NEK10: variants seen among roughly 807,000 people sequenced by gnomAD.
NEK10 encodes NIMA related kinase 10, also known as serine/threonine-protein kinase Nek10.
NEK10 carries 122 observed loss-of-function variants against 159.8 expected under a neutral mutation model. The observed-to-expected ratio is 0.76, with a 90% confidence interval of 0.66 to 0.89. The LOEUF is 0.89. Among genes scored for constraint, NEK10 ranks in the 40% least tolerant of loss-of-function variants. NEK10 has a pLI of 0.00. For synonymous variants in NEK10, 466 were observed against 457.1 expected (o/e 1.02, Z -0.25); for missense variants, 1,342 against 1,323.1 (o/e 1.01, Z -0.22).
chr3:27,196,881 G>A (rs1225269664), intron 25 of NEK10, among the ~76,000 whole-genome samples: 1 of 152,128 alleles, frequency 6.6e-6, no homozygotes, highest in Non-Finnish European at 1.5e-5. Context: ...TCACAGAGAT[G>A]AGCAGTTTAA....
At chr3:27,193,668 C>T (rs1949319089) in intron 25 of NEK10, among the ~76,000 whole-genome samples, 1 of 135,406 alleles carries the variant, frequency 7.4e-6, no homozygotes, top group Admixed American at 8.4e-5. Context: ...TCTCAGCCAT[C>T]ATCTCTTATA....
At chr3:27,331,023 G>A (rs982876712) in intron 5 of NEK10, among the ~76,000 whole-genome samples, 1 of 151,928 alleles carries the variant, frequency 6.6e-6, no homozygotes, top group African/African-American at 2.4e-5. Context: ...ATCACCTGAG[G>A]TCAGGAGTTC....
At chr3:27,119,938 G>A (rs1575377940) in intron 32 of NEK10, 70 bp from the exon 33 acceptor site, 5 of 1,160,058 alleles carry the variant, frequency 4.3e-6, no homozygotes, top group Non-Finnish European at 5.2e-6. Context: ...CCTCTGTGTG[G>A]GGTTTTTCAT....
chr3:27,121,728 T>C (rs560906861), intron 32 of NEK10, among the ~76,000 whole-genome samples: 4 of 152,254 alleles, frequency 2.6e-5, no homozygotes, highest in East Asian at 1.9e-4. Flanking sequence ...AGCATGAAAA[T>C]AGACTAATAC....
chr3:27,303,024 G>A (rs560965036), intron 12 of NEK10, among the ~76,000 whole-genome samples: 2 of 152,272 alleles, frequency 1.3e-5, no homozygotes, highest in African/African-American at 2.4e-5. Flanking sequence ...GCCTGGAAAC[G>A]TCTACCCCTA....
intron 35 of NEK10, among the ~76,000 whole-genome samples, chr3:27,111,896 A>G (rs1939604148): frequency 6.6e-6 from 1 of 152,188 alleles, no homozygotes; most frequent in Non-Finnish European, 1.5e-5. Context: ...ATAAAACGTA[A>G]TTTATCATAC....
At chr3:27,266,338 A>T (rs2040890491) in intron 22 of NEK10, among the ~76,000 whole-genome samples, 1 of 152,180 alleles carries the variant, frequency 6.6e-6, no homozygotes, top group Non-Finnish European at 1.5e-5. Context: ...CTATGATCCA[A>T]GCTGAGCTAA....
At chr3:27,190,527 A>G (rs1409401946) in intron 26 of NEK10, among the ~76,000 whole-genome samples, 1 of 152,206 alleles carries the variant, frequency 6.6e-6, no homozygotes, top group Admixed American at 6.5e-5. Flanking sequence ...AAATAAATAG[A>G]TAAGTAATGG....
Position 27,210,369 on chromosome 3 carries a change from T to C in NEK10, c.2091-7812A>G, listed in dbSNP as rs1402467651. On this transcript the variant is annotated intron_variant, in intron 23 of 35. Coordinates refer to ENST00000691995, the MANE Select transcript of NEK10 (RefSeq NM_001394966.1). ...AATAACTCATGAATTCCTTAATCCA[T>C]GAATGGATCCTCATGATGCACTAGA... is the stretch of plus-strand genomic sequence containing the variant. 2.0e-5 allele frequency among the ~76,000 whole-genome samples: 3 copies of C among 152,250 alleles called. No homozygotes were observed. In the East Asian group the frequency reaches 5.8e-4, roughly 29 times the overall value.
chr3:27,186,645 T>C (rs1338923798), intron 26 of NEK10, among the ~76,000 whole-genome samples: 1 of 152,180 alleles, frequency 6.6e-6, no homozygotes, highest in Non-Finnish European at 1.5e-5. Context: ...ACTATATACA[T>C]AAGGCCCATG....
At position 27,355,525 on chromosome 3, in the gene NEK10, C is replaced by G. The variant is rs147081211; in HGVS notation, c.-37-2606G>C. Among the ~76,000 whole-genome samples, 1,246 of 151,996 alleles carry G rather than the reference C, an allele frequency of 8.2e-3. 11 individuals carry two copies. The highest frequency in any genetic ancestry group is 0.013 in the Non-Finnish European group (879 of 67,984). On this transcript the variant is annotated intron_variant, in intron 1 of 35. Coordinates refer to ENST00000691995, the MANE Select transcript of NEK10 (RefSeq NM_001394966.1). ...AAAAGTTCAGGGGACATTCTTGGCT[C>G]CTCTCTTTCCTCTACCTCCCATATT...
At chr3:27,368,095 C>G (rs1184425647) in intron 1 of NEK10, among the ~76,000 whole-genome samples, 1 of 152,022 alleles carries the variant, frequency 6.6e-6, no homozygotes, top group Non-Finnish European at 1.5e-5. Flanking sequence ...GAGTTCGAGA[C>G]CAGCCTGACC....
chr3:27,337,155 A>G (rs974783088), intron 5 of NEK10, among the ~76,000 whole-genome samples: 1 of 152,186 alleles, frequency 6.6e-6, no homozygotes, highest in African/African-American at 2.4e-5. Flanking sequence ...TACAAAAATC[A>G]GTAGAATTTT....
At chr3:27,242,407 A>G (rs546273184) in intron 23 of NEK10, among the ~76,000 whole-genome samples, 2 of 152,276 alleles carry the variant, frequency 1.3e-5, no homozygotes, top group East Asian at 1.9e-4. Context: ...TAACAACCCT[A>G]TGTTGTAGAA....
intron 32 of NEK10, among the ~76,000 whole-genome samples, chr3:27,128,052 G>A (rs1245338651): frequency 6.6e-6 from 1 of 152,098 alleles, no homozygotes; most frequent in Non-Finnish European, 1.5e-5. Flanking sequence ...TCCAGAGCAG[G>A]GACAGACAAA....
intron 5 of NEK10, among the ~76,000 whole-genome samples, chr3:27,341,296 G>A (rs573912701): frequency 7.2e-5 from 11 of 152,148 alleles, no homozygotes; most frequent in East Asian, 1.9e-4. Flanking sequence ...CAGCAGAATC[G>A]CGTGACTATA....
At chr3:27,293,130 T>C (rs1187263946) in intron 16 of NEK10, among the ~76,000 whole-genome samples, 1 of 152,112 alleles carries the variant, frequency 6.6e-6, no homozygotes, top group Non-Finnish European at 1.5e-5. Context: ...CAGCCTCCCC[T>C]TCAAATGAGC....
chr3:27,311,161 C>G (rs1319487897), intron 8 of NEK10, 145 bp from the exon 9 acceptor site: 1 of 496,894 alleles, frequency 2.0e-6, no homozygotes, highest in Non-Finnish European at 3.6e-6. Flanking sequence ...GCAGGAGCAG[C>G]ATGGCTACTT....
intron 23 of NEK10, among the ~76,000 whole-genome samples, chr3:27,221,332 TA>T (rs1403391473): frequency 6.6e-6 from 1 of 152,168 alleles, no homozygotes; most frequent in Non-Finnish European, 1.5e-5. Flanking sequence ...TAACCCAGTT[TA>T]AAAATGGGCA....
Sources: gnomAD v4.1 joint callset for allele counts (sites outside exome capture counted in the v4.1 genomes callset) on GRCh38, gnomAD v4.1.1 for gene constraint, MANE v1.5 for transcripts, NCBI Gene and HGNC (gene_info 2026-07-23, HGNC 2026-07-21) for gene names.